EPHA7: variants seen among roughly 807,000 people sequenced by gnomAD.
The protein encoded by EPHA7 is EPH receptor A7.
A neutral mutation model predicts 112.6 loss-of-function variants in EPHA7; 25 were observed. That is an observed-to-expected ratio of 0.22 (90% CI 0.16 to 0.31). EPHA7 has a LOEUF of 0.31. Ranked by LOEUF, EPHA7 falls within the 10% of genes least tolerant of loss-of-function variation. EPHA7 has a pLI of 1.00. For synonymous variants in EPHA7, 437 were observed against 406.5 expected (o/e 1.07, Z -0.90); for missense variants, 962 against 1,212.6 (o/e 0.79, Z 3.07).
At chr6:93,288,507 A>AAATC in intron 5 of EPHA7, among the ~76,000 whole-genome samples, 1 of 152,344 alleles carries the variant, frequency 6.6e-6, no homozygotes, top group East Asian at 1.9e-4. Flanking sequence ...ACATTTATTA[A>AAATC]AATCACTGAA....
At chr6:93,312,406 C>CT (rs35085502) in intron 5 of EPHA7, among the ~76,000 whole-genome samples, 92,369 of 150,746 alleles carry the variant, frequency 0.61, 28,414 homozygotes, top group African/African-American at 0.71. Context: ...GAGATGGCTC[C>CT]TTTTTTTTTA....
intron 6 of EPHA7, among the ~76,000 whole-genome samples, chr6:93,271,621 T>C (rs1158880435): frequency 6.6e-6 from 1 of 151,862 alleles, no homozygotes; most frequent in Non-Finnish European, 1.5e-5. Context: ...GAAATAAATA[T>C]ACTCATATAC....
intron 5 of EPHA7, among the ~76,000 whole-genome samples, chr6:93,284,610 T>C (rs1771965018): frequency 6.6e-6 from 1 of 152,006 alleles, no homozygotes; most frequent in Non-Finnish European, 1.5e-5. Flanking sequence ...TCAACATCAA[T>C]GACAGACTGG....
intron 3 of EPHA7, among the ~76,000 whole-genome samples, chr6:93,401,810 T>C (rs892216433): frequency 2.0e-5 from 3 of 151,980 alleles, no homozygotes; most frequent in African/African-American, 4.8e-5. Flanking sequence ...CATATTTGTA[T>C]GGACATAGAG....
At chr6:93,324,822 C>T (rs1012979235) in intron 5 of EPHA7, among the ~76,000 whole-genome samples, 2 of 151,400 alleles carry the variant, frequency 1.3e-5, no homozygotes. Flanking sequence ...AAATCAAGGC[C>T]TTGGCCAGGA....
Position 93,255,925 on chromosome 6 carries a change from C to A in EPHA7, c.2285G>T (p.Arg762Leu). 2 of 1,613,992 alleles carry A rather than the reference C, an allele frequency of 1.2e-6. No homozygotes were observed. The highest frequency in any genetic ancestry group is 1.7e-6 in the Non-Finnish European group (2 of 1,179,982). The change falls in exon 13 of 17, where the codon CGC becomes CTC. Residue 762 changes from arginine to leucine, a missense_variant. This residue lies in a region of EPHA7 where 746 missense variants were observed against 889.2 expected (regional missense o/e 0.84). Coordinates refer to ENST00000369303, the MANE Select transcript of EPHA7 (RefSeq NM_004440.4). ...GAGATTGCTGTTGACAAGAATATTG[C>A]GAGCTGCAAGGTCCCTGTGAACATA... ...MGYVHRDLAA[R>L]NILVNSNLVC... is the part of the protein sequence containing the mutation.
chr6:93,303,946 A>G (rs1773121827), intron 5 of EPHA7, among the ~76,000 whole-genome samples: 1 of 152,090 alleles, frequency 6.6e-6, no homozygotes, highest in African/African-American at 2.4e-5. Context: ...AGCACTTAAT[A>G]TGCTTCTCAC....
chr6:93,248,483 T>C (rs536682691), intron 14 of EPHA7, among the ~76,000 whole-genome samples: 2 of 152,096 alleles, frequency 1.3e-5, no homozygotes, highest in African/African-American at 2.4e-5. Flanking sequence ...AATCACTAGG[T>C]TGTATTTCTA....
intron 14 of EPHA7, among the ~76,000 whole-genome samples, chr6:93,250,779 T>G (rs1770173620): frequency 6.6e-6 from 1 of 152,112 alleles, no homozygotes; most frequent in African/African-American, 2.4e-5. Flanking sequence ...CTTAGTATTC[T>G]AATAAAATTC....
At chr6:93,362,653 T>C (rs74740410) in intron 3 of EPHA7, among the ~76,000 whole-genome samples, 1 of 152,256 alleles carries the variant, frequency 6.6e-6, no homozygotes, top group African/African-American at 2.4e-5. Context: ...GCCAGGCCAC[T>C]GAGACTATAC....
At chr6:93,323,215 T>A (rs1192758458) in intron 5 of EPHA7, among the ~76,000 whole-genome samples, 2 of 151,624 alleles carry the variant, frequency 1.3e-5, no homozygotes, top group Non-Finnish European at 3.0e-5. Flanking sequence ...ATCAATTAAA[T>A]GTAAAGGCTC....
chr6:93,327,495 A>C (rs1043470548), intron 5 of EPHA7, among the ~76,000 whole-genome samples: 6 of 151,558 alleles, frequency 4.0e-5, no homozygotes, highest in Admixed American at 3.3e-4. Flanking sequence ...AACTAGAGGC[A>C]ACTGTAGCAT....
chr6:93,266,337 T>A (rs1232499112), intron 7 of EPHA7, among the ~76,000 whole-genome samples: 2 of 151,678 alleles, frequency 1.3e-5, no homozygotes, highest in African/African-American at 4.8e-5. Flanking sequence ...AATTCTCTGC[T>A]TGTCTTAGGC....
chr6:93,246,044 T>C (rs556106978), intron 15 of EPHA7, among the ~76,000 whole-genome samples: 2 of 149,994 alleles, frequency 1.3e-5, no homozygotes, highest in East Asian at 1.9e-4. Context: ...ATGTATTGAA[T>C]TTTTTTTTCT....
At chr6:93,371,659 T>C (rs186731744) in intron 3 of EPHA7, among the ~76,000 whole-genome samples, 4 of 152,174 alleles carry the variant, frequency 2.6e-5, no homozygotes, top group Non-Finnish European at 4.4e-5. Context: ...CATTTCCAAA[T>C]AAAAATGCAT....
At chr6:93,398,350 G>A (rs560350957) in intron 3 of EPHA7, among the ~76,000 whole-genome samples, 253 of 151,964 alleles carry the variant, frequency 1.7e-3, no homozygotes, top group Non-Finnish European at 2.9e-3. Context: ...ACAAGTCACC[G>A]TCCAAATGTT....
At chr6:93,296,668 A>T (rs1278366674) in intron 5 of EPHA7, among the ~76,000 whole-genome samples, 2 of 151,688 alleles carry the variant, frequency 1.3e-5, no homozygotes, top group African/African-American at 4.8e-5. Flanking sequence ...GATAGAGAAT[A>T]AAATAATGGT....
At position 93,283,001 on chromosome 6, in the gene EPHA7, G is replaced by A. The variant is rs184051529; in HGVS notation, c.1325-10579C>T. Among the ~76,000 whole-genome samples the A allele has an allele frequency of 3.3e-3, 499 of 152,318 alleles. 2 individuals are homozygous for A. Among genetic ancestry groups the A allele is most frequent in the African/African-American group, 0.011 (464 of 41,588 alleles). On this transcript the variant is annotated intron_variant, in intron 5 of 16. Coordinates refer to ENST00000369303, the MANE Select transcript of EPHA7 (RefSeq NM_004440.4). ...GGGCTGAGGAGTGCAGGAGCAGGGC[G>A]CGGGACTGGCAGGCAGCTCCACCTG...
chr6:93,317,192 A>C (rs2127876742), intron 5 of EPHA7, among the ~76,000 whole-genome samples: 1 of 152,308 alleles, frequency 6.6e-6, no homozygotes, highest in Non-Finnish European at 1.5e-5. Context: ...GGTAGATGTA[A>C]AATATTCTTG....
Sources: gnomAD v4.1 joint callset for allele counts (sites outside exome capture counted in the v4.1 genomes callset) on GRCh38, gnomAD v4.1.1 for gene constraint, gnomAD v4.1.1 regional missense constraint, MANE v1.5 for transcripts, NCBI Gene and HGNC (gene_info 2026-07-23, HGNC 2026-07-21) for gene names.